The following TSKS variants were observed in gnomAD, a reference collection of about 807,000 sequenced individuals.
TSKS encodes testis-specific serine kinase substrate.
TSKS carries 27 observed loss-of-function variants against 68.0 expected under a neutral mutation model. The ratio of observed to expected loss-of-function variants is 0.40; its 90% CI spans 0.29 to 0.55. The LOEUF (loss-of-function observed/expected upper bound fraction) is 0.55. Ranked by LOEUF, TSKS falls within the 20% of genes least tolerant of loss-of-function variation. The probability of loss-of-function intolerance (pLI) is 0.53; values close to 1 mark genes in which losing one functional copy is unlikely to be tolerated. For missense variants in TSKS, 806 were observed against 776.0 expected, an observed-to-expected ratio of 1.04 and a Z score of -0.46; for synonymous variants, 331 against 340.4, an observed-to-expected ratio of 0.97 and a Z score of 0.30.
At chr19:49,746,035 T>C (rs992235504) in intron 6 of TSKS, among the ~76,000 whole-genome samples, 4 of 151,884 alleles carry the variant, frequency 2.6e-5, no homozygotes, top group Non-Finnish European at 5.9e-5. Context: ...TACAAAAAAA[T>C]AGCCAGGCGT....
chr19:49,745,283 C>A lies in TSKS; in HGVS notation c.1106G>T (p.Trp369Leu). The change falls in exon 7 of 11, where the codon TGG (tryptophan) becomes TTG (leucine). Residue 369 changes from tryptophan to leucine, a missense_variant. By Grantham distance (61) the Trp-to-Leu change is moderately conservative. Transcript: ENST00000246801. ...GGRVDGFLGQ[W>L]ERAQREQAQT... Reference sequence around the variant, plus strand: ...TGCCTGTTCGCGCTGTGCCCGCTCCCACTGGCCTAGGAAGCCGTCGACCCT... The same window carrying A: ...TGCCTGTTCGCGCTGTGCCCGCTCCAACTGGCCTAGGAAGCCGTCGACCCT... The A allele has an allele frequency of 6.2e-7, 1 of 1,607,396 alleles. No homozygotes were observed.
Position 49,748,130 on chromosome 19 carries a change from C to A in TSKS, c.534G>T (p.Arg178Ser). 1 of 1,614,202 alleles carries A rather than the reference C, an allele frequency of 6.2e-7. No individual in the cohort carries two copies. Among genetic ancestry groups the A allele is most frequent in the Non-Finnish European group, 8.5e-7 (1 of 1,180,034 alleles). ...CCTCCAACTCTTCTGCCTCTTGCCG[C>A]CTTCTCTCCAGATTCTCGCTCAGCA... is the stretch of plus-strand genomic sequence containing the variant. ...CSVLSENLER[R>S]RQEAEELEGY... The change falls in exon 4 of 11, where the codon AGG becomes AGT. Residue 178 changes from arginine to serine, a missense_variant. Coordinates refer to ENST00000246801, the MANE Select transcript of TSKS (RefSeq NM_021733.2).
chr19:49,741,926 G>C lies in TSKS; in HGVS notation c.1456C>G (p.Pro486Ala). ...AGCCTCTGACAGCTGGGACAGGCAG[G>C]AGTCAGGCCCCTCTGCTTCACCTCG... ...VDEVKQRGLT[P>A]ACPSCQRLHK... The change falls in exon 9 of 11, where the codon CCT (proline) becomes GCT (alanine). Residue 486 changes from proline (P) to alanine (A), a missense_variant. Transcript: ENST00000246801. The C allele has an allele frequency of 6.2e-7, 1 of 1,614,220 alleles. No individual in the cohort carries two copies. The highest frequency in any genetic ancestry group is 8.5e-7 in the Non-Finnish European group (1 of 1,180,050).
rs1324047978 is a variant in TSKS, at chr19:49,762,062, G to A, written c.341C>T (p.Pro114Leu). Residue 114 changes from proline to leucine, a missense_variant, in exon 2 of 11, where the codon CCC (proline) becomes CTC (leucine). By Grantham distance (98) the Pro-to-Leu change is moderately conservative (BLOSUM62 -3). Transcript: ENST00000246801. The stretch of plus-strand genomic sequence containing the variant: ...CCAGGGTAGGGTAGGGGAGGCAGGG[G>A]GCCCAGCCAGTGTGAGTTGGCCGCT... ...DLSGQLTLAG[P>L]PASPTLPWDP... 3 of 1,614,120 alleles carry A rather than the reference G, an allele frequency of 1.9e-6. No homozygotes were observed. The highest frequency in any genetic ancestry group is 1.1e-5 in the South Asian group (1 of 91,078).
intron 2 of TSKS, 37 bp downstream of exon 2, chr19:49,761,967 T>G (rs1600203875): frequency 1.3e-6 from 2 of 1,545,160 alleles, no homozygotes; most frequent in Non-Finnish European, 1.8e-6. Context: ...GTGGAGGACC[T>G]CGGTCCTCCC....
At chr19:49,748,228 A>C in intron 3 of TSKS, 60 bp from the exon 4 acceptor site, 1 of 1,595,286 alleles carries the variant, frequency 6.3e-7, no homozygotes, top group South Asian at 1.1e-5. Context: ...TGTGGAAAAG[A>C]AGATCTGGGC....
rs1242241453 is a variant in TSKS, at chr19:49,747,182, A to G, written c.663+207T>C. The G allele has an allele frequency of 2.0e-6, 3 of 1,536,460 alleles. No homozygotes were observed. In the East Asian group the frequency reaches 7.3e-5, roughly 38 times the overall value. ...GCTCGATTCTCTTTCTGGGACCTGA[A>G]TGTGACTGCAGGGCAAGAGTCCCCC... On this transcript the variant is annotated intron_variant, in intron 5 of 10. Transcript: ENST00000246801.
intron 6 of TSKS, 95 bp downstream of exon 6, chr19:49,746,375 G>A: frequency 7.0e-7 from 1 of 1,433,560 alleles, no homozygotes; most frequent in Non-Finnish European, 9.5e-7. Context: ...GAGAACCCCC[G>A]TCCCTTGGGT....
intron 2 of TSKS, among the ~76,000 whole-genome samples, chr19:49,758,102 T>TGGTCTCTGTCCCCCCCTCTCTG (rs2084408139): frequency 2.7e-5 from 4 of 147,664 alleles, no homozygotes; most frequent in African/African-American, 2.6e-5. Context: ...TCCTCTCTCT[T>TGGTCTCTGTCCCCCCCTCTCTG]GGTCTCTGTC....
In TSKS at chr19:49,741,892, T is replaced by A; in HGVS notation, c.1490A>T (p.Lys497Met). The A allele has an allele frequency of 6.2e-7, 1 of 1,614,180 alleles. No homozygotes were observed. The highest frequency in any genetic ancestry group is 8.5e-7 in the Non-Finnish European group (1 of 1,180,024). ...ACPSCQRLHK[K>M]ILELERQALA... ...GCCCATATTCCCTGGTACCAGAATC[T>A]TCTTGTGTAGCCTCTGACAGCTGGG... is the stretch of plus-strand genomic sequence containing the variant. Residue 497 changes from lysine (K) to methionine (M), a missense_variant, in exon 9 of 11, where the codon AAG (lysine) becomes ATG (methionine). Physicochemically the swap from Lys to Met is moderately conservative, Grantham distance 95. Transcript: ENST00000246801.
intron 8 of TSKS, among the ~76,000 whole-genome samples, chr19:49,743,518 G>A (rs1447613911): frequency 1.8e-5 from 2 of 110,568 alleles, no homozygotes; most frequent in Non-Finnish European, 3.5e-5. Context: ...TTTTTTTTGA[G>A]ATGGAGTCTC....
chr19:49,760,346 ACT>A (rs749446929), intron 2 of TSKS, among the ~76,000 whole-genome samples: 3 of 150,234 alleles, frequency 2.0e-5, no homozygotes, highest in Non-Finnish European at 4.4e-5. Flanking sequence ...TTTTTGACAG[ACT>A]CTCGCTGTGT....
intron 5 of TSKS, 80 bp downstream of exon 5, chr19:49,747,295 GTCGGGGCAGGGAGT>G: frequency 1.2e-6 from 2 of 1,605,688 alleles, no homozygotes. Flanking sequence ...TGGTGGTGGT[GTCGGGGCAGGGAGT>G]TCCACCTAAA....
At chr19:49,747,536 C>T in intron 4 of TSKS, 64 bp from the exon 5 acceptor site, 1 of 1,556,576 alleles carries the variant, frequency 6.4e-7, no homozygotes, top group Admixed American at 1.7e-5. Flanking sequence ...CAACCCTTAG[C>T]CTGTCTGTTT....
At position 49,740,368 on chromosome 19, in the gene TSKS, G is replaced by A. The variant is rs573242283; in HGVS notation, c.1498-185C>T. ...CACAATGCACTGGTCTCCAGATTCCGCTGTGGACTAAATCTGTGTCTGTCC... is the reference window on the plus strand; with the variant it reads ...CACAATGCACTGGTCTCCAGATTCCACTGTGGACTAAATCTGTGTCTGTCC... On this transcript the variant is annotated intron_variant, in intron 9 of 10. Transcript: ENST00000246801. 448 of 667,288 alleles carry A rather than the reference G, an allele frequency of 6.7e-4. 2 individuals are homozygous for A. The highest frequency in any genetic ancestry group is 6.0e-3 in the African/African-American group (330 of 55,180). 41.3% of individuals were successfully genotyped at this position (667,288 alleles called of 1,614,324 possible).
chr19:49,752,097 T>A (rs1159599010), intron 2 of TSKS, among the ~76,000 whole-genome samples: 1 of 151,150 alleles, frequency 6.6e-6, no homozygotes, highest in Non-Finnish European at 1.5e-5. Flanking sequence ...AAAATGTAAC[T>A]CCCAGGCTGA....
At chr19:49,754,575 C>CTATA (rs1274925793) in intron 2 of TSKS, among the ~76,000 whole-genome samples, 1 of 151,952 alleles carries the variant, frequency 6.6e-6, no homozygotes, top group Admixed American at 6.6e-5. Context: ...AAACTATGGC[C>CTATA]TATACAATGG....
chr19:49,754,476 G>C (rs2084377615), intron 2 of TSKS, among the ~76,000 whole-genome samples: 1 of 151,482 alleles, frequency 6.6e-6, no homozygotes, highest in Non-Finnish European at 1.5e-5. Flanking sequence ...TCAAGCCCGG[G>C]TGATAGAGTG....
At chr19:49,761,733 G>A (rs763170889) in intron 2 of TSKS, among the ~76,000 whole-genome samples, 13 of 152,250 alleles carry the variant, frequency 8.5e-5, no homozygotes, top group South Asian at 2.1e-4. Context: ...GGAGGCCGAG[G>A]TGGGAGGATC....
Sources: allele counts gnomAD v4.1 joint callset (sites outside exome capture counted in the v4.1 genomes callset), GRCh38; gene constraint gnomAD v4.1.1; transcripts MANE v1.5; gene names NCBI Gene and HGNC (gene_info 2026-07-23, HGNC 2026-07-21).